Variants in AIRIM observed in about 807,000 individuals in gnomAD.
The protein encoded by AIRIM is AFG2-interacting ribosome maturation factor.
the AIRIM span, among the ~76,000 whole-genome samples, chr1:37,687,013 G>A: frequency 3.0e-3 from 457 of 151,952 alleles, no homozygotes; most frequent in African/African-American, 8.6e-3. Flanking sequence ...CCAAGTTCGC[G>A]TCACTGCACT....
At chr1:37,691,749 G>A in the AIRIM span, among the ~76,000 whole-genome samples, 6 of 152,360 alleles carry the variant, frequency 3.9e-5, no homozygotes, top group South Asian at 1.2e-3. Context: ...TCATGCTGCA[G>A]TCACCGTGTG....
the AIRIM span, among the ~76,000 whole-genome samples, chr1:37,687,111 T>C: frequency 7.4e-6 from 1 of 134,664 alleles, no homozygotes; most frequent in Non-Finnish European, 1.6e-5. Context: ...TGTGTGTGTG[T>C]ATAGTTTTTG....
At chr1:37,684,669 G>T in the AIRIM span, among the ~76,000 whole-genome samples, 1 of 152,178 alleles carries the variant, frequency 6.6e-6, no homozygotes, top group Non-Finnish European at 1.5e-5. Flanking sequence ...ACGACTCAAG[G>T]AAAAGGGGGC....
At chr1:37,691,403 C>CT in the AIRIM span, 1,831 of 152,530 alleles carry the variant, frequency 0.012, 43 homozygotes, top group African/African-American at 0.042. Context: ...TCTGACATGG[C>CT]TTCAGACCGC....
At chr1:37,688,546 C>T in the AIRIM span, among the ~76,000 whole-genome samples, 1 of 152,206 alleles carries the variant, frequency 6.6e-6, no homozygotes, top group African/African-American at 2.4e-5. Context: ...AGAACAGGAA[C>T]TAAATCTGGT....
chr1:37,685,191 T>TG, the AIRIM span, among the ~76,000 whole-genome samples: 2 of 26,924 alleles, frequency 7.4e-5, no homozygotes, highest in African/African-American at 3.8e-4. Flanking sequence ...ATGCTTTTTT[T>TG]TGGGGGGGGG....
At chr1:37,681,823 T>C in the AIRIM span, 1 of 152,174 alleles carries the variant, frequency 6.6e-6, no homozygotes, top group African/African-American at 2.4e-5. Flanking sequence ...AATATAACTG[T>C]GTTGAGCTAT....
chr1:37,687,220 C>T, the AIRIM span, among the ~76,000 whole-genome samples: 2 of 151,826 alleles, frequency 1.3e-5, no homozygotes, highest in Non-Finnish European at 2.9e-5. Context: ...CTCTGGCTCC[C>T]GGGTTCAAGT....
At chr1:37,683,411 G>A in the AIRIM span, 42 of 1,613,808 alleles carry the variant, frequency 2.6e-5, 1 homozygote, top group South Asian at 9.9e-5. Flanking sequence ...CTGGATAGAC[G>A]AAAGAAGATA....
chr1:37,686,272 C>T, the AIRIM span: 18 of 1,610,776 alleles, frequency 1.1e-5, no homozygotes, highest in South Asian at 2.2e-5. Context: ...GCAAAGGATA[C>T]GACTTTCGAT....
the AIRIM span, chr1:37,683,169 G>T: frequency 1.2e-6 from 2 of 1,610,906 alleles, no homozygotes; most frequent in Non-Finnish European, 1.7e-6. Context: ...ATCTGAAATA[G>T]GAAGACAGAA....
the AIRIM span, among the ~76,000 whole-genome samples, chr1:37,687,941 T>C: frequency 6.6e-6 from 1 of 152,078 alleles, no homozygotes; most frequent in African/African-American, 2.4e-5. Context: ...CAGGCTGGTC[T>C]CAAACTTCTA....
At chr1:37,690,221 G>C in the AIRIM span, 1 of 1,253,868 alleles carries the variant, frequency 8.0e-7, no homozygotes, top group Non-Finnish European at 1.0e-6. Flanking sequence ...CTGACCTCAG[G>C]TGATCCGCCC....
chr1:37,689,971 T>C, the AIRIM span: 2 of 1,459,148 alleles, frequency 1.4e-6, no homozygotes, highest in African/African-American at 1.4e-5. Context: ...GCGTCATCTC[T>C]GTTATCGTGT....
chr1:37,690,598 C>T, the AIRIM span: 1 of 619,126 alleles, frequency 1.6e-6, no homozygotes, highest in Non-Finnish European at 2.3e-6. Context: ...GAAAATATAT[C>T]GTAGTGCCGC....
chr1:37,687,946 C>T, the AIRIM span, among the ~76,000 whole-genome samples: 9 of 152,010 alleles, frequency 5.9e-5, no homozygotes, highest in African/African-American at 2.2e-4. Context: ...TGGTCTCAAA[C>T]TTCTAGGCTC....
the AIRIM span, chr1:37,689,976 T>C: frequency 1.5e-4 from 217 of 1,456,610 alleles, no homozygotes; most frequent in African/African-American, 2.6e-3. Flanking sequence ...ATCTCTGTTA[T>C]CGTGTTCAGA....
chr1:37,687,121 G>GTTTTTGT, the AIRIM span, among the ~76,000 whole-genome samples: 2 of 146,916 alleles, frequency 1.4e-5, no homozygotes, highest in East Asian at 4.0e-4. Context: ...TATAGTTTTT[G>GTTTTTGT]TTTTTGTTTT....
At chr1:37,689,617 T>C in the AIRIM span, 119 of 1,604,664 alleles carry the variant, frequency 7.4e-5, no homozygotes, top group Admixed American at 1.7e-4. Context: ...GCCTTTCCCC[T>C]AGCTTGTCCA....
Sources: gnomAD v4.1 joint callset for allele counts (sites outside exome capture counted in the v4.1 genomes callset) on GRCh38, gnomAD v4.1.1 for gene constraint, MANE v1.5 for transcripts, NCBI Gene and HGNC (gene_info 2026-07-23, HGNC 2026-07-21) for gene names.